The following KANTR variants were observed in gnomAD, a reference collection of about 807,000 sequenced individuals.
The protein encoded by KANTR is KDM5C adjacent transcript.
chrX:53,120,992 T>C (rs926309512), intron 2 of KANTR, among the ~76,000 whole-genome samples: 5 of 105,839 alleles, frequency 4.7e-5, no homozygotes, highest in Non-Finnish European at 9.7e-5. Context: ...AAGGTGTTGT[T>C]TTTTTTTGTT....
chrX:53,116,317 C>A (rs1556814552), intron 2 of KANTR, among the ~76,000 whole-genome samples: 2 of 112,153 alleles, frequency 1.8e-5, no homozygotes, highest in African/African-American at 6.5e-5. Context: ...TATGAGACAG[C>A]CTTTGCTTTC....
At chrX:53,133,364 C>CA (rs5902512) in intron 2 of KANTR, among the ~76,000 whole-genome samples, 76 of 90,187 alleles carry the variant, frequency 8.4e-4, no homozygotes, top group African/African-American at 2.5e-3. Flanking sequence ...GAGACCTTGT[C>CA]AAAAAAAAAA....
intron 2 of KANTR, among the ~76,000 whole-genome samples, chrX:53,105,174 G>C (rs1162309442): frequency 1.8e-5 from 2 of 111,711 alleles, no homozygotes; most frequent in African/African-American, 3.3e-5. Flanking sequence ...ATGAGCCATG[G>C]TGCCCCGCCT....
chrX:53,143,637 G>C (rs147880189), downstream of KANTR: 2,554 of 736,319 alleles, frequency 3.5e-3, 3 homozygotes, highest in Non-Finnish European at 4.6e-3. Context: ...TGCACAGCTC[G>C]TTGTAGAAGG....
intron 2 of KANTR, among the ~76,000 whole-genome samples, chrX:53,117,028 T>A (rs781870873): frequency 8.9e-6 from 1 of 111,769 alleles, no homozygotes; most frequent in East Asian, 2.8e-4. Flanking sequence ...ACACCTGTAA[T>A]CCCAGCACTT....
downstream of KANTR, among the ~76,000 whole-genome samples, chrX:53,129,129 G>A (rs936807760): frequency 8.6e-5 from 8 of 92,842 alleles, no homozygotes; most frequent in African/African-American, 2.9e-4. Flanking sequence ...GTGCAGTGGC[G>A]CTATCTGGGC....
downstream of KANTR, among the ~76,000 whole-genome samples, chrX:53,130,201 G>A (rs1455130065): frequency 8.9e-6 from 1 of 112,157 alleles, no homozygotes; most frequent in Non-Finnish European, 1.9e-5. Flanking sequence ...TATATATTTC[G>A]TTGTCAGCAG....
downstream of KANTR, among the ~76,000 whole-genome samples, chrX:53,128,730 T>C (rs2146749877): frequency 9.0e-6 from 1 of 111,495 alleles, no homozygotes; most frequent in Non-Finnish European, 1.9e-5. Context: ...TCTTTTATGT[T>C]GTTCATATTA....
chrX:53,127,414 A>G (rs1373710975), exon 3 of KANTR: 1 of 112,379 alleles, frequency 8.9e-6, no homozygotes, highest in Non-Finnish European at 1.9e-5. Flanking sequence ...TAGATACTCA[A>G]TAAATATTTG....
At chrX:53,140,500 CAAAAAAAA>C (rs782805364) in intron 2 of KANTR, among the ~76,000 whole-genome samples, 1 of 42,477 alleles carries the variant, frequency 2.4e-5, no homozygotes, top group African/African-American at 7.4e-5. Flanking sequence ...GACTCTGTCT[CAAAAAAAA>C]AAAAAAAAAA....
chrX:53,106,722 G>A (rs1293846557), intron 2 of KANTR, among the ~76,000 whole-genome samples: 1 of 110,512 alleles, frequency 9.0e-6, no homozygotes, highest in Non-Finnish European at 1.9e-5. Flanking sequence ...TTTGTGTATA[G>A]CGTGAGAGTA....
intron 1 of KANTR, among the ~76,000 whole-genome samples, chrX:53,097,349 A>ATTTTTTT (rs1569232446): frequency 2.3e-5 from 1 of 42,554 alleles, no homozygotes; most frequent in African/African-American, 5.6e-5. Flanking sequence ...ATTTGTTTTA[A>ATTTTTTT]GTTTTTTTTT....
At chrX:53,102,772 A>G (rs1246625366) in intron 2 of KANTR, among the ~76,000 whole-genome samples, 8 of 111,339 alleles carry the variant, frequency 7.2e-5, no homozygotes, top group South Asian at 7.6e-4. Flanking sequence ...ATATCTGCCC[A>G]TCATTACCAT....
At chrX:53,143,255 G>A (rs191907043), downstream of KANTR, 55 of 610,201 alleles carry the variant, frequency 9.0e-5, no homozygotes, top group South Asian at 1.9e-4. Flanking sequence ...TCTCCTGCTC[G>A]AAGTCCAGGG....
chrX:53,117,301 C>T (rs1264866265), intron 2 of KANTR, among the ~76,000 whole-genome samples: 3 of 110,788 alleles, frequency 2.7e-5, no homozygotes, highest in Non-Finnish European at 3.8e-5. Flanking sequence ...AACAAAAAAA[C>T]AATATATACA....
At position 53,137,549 on chromosome X, in the gene KANTR, G is replaced by A. The variant is rs781942909; in HGVS notation, n.204-4299G>A. 4.0e-3 allele frequency among the ~76,000 whole-genome samples: 447 copies of A among 111,143 alleles called. 2 individuals carry two copies. Among genetic ancestry groups the A allele is most frequent in the African/African-American group, 0.014 (428 of 30,642 alleles). On this transcript the variant is annotated intron_variant and non_coding_transcript_variant, in intron 2 of 2. Coordinates refer to the KANTR transcript ENST00000366185. ...GGAGGCTGAGGCGAGCAGATCACCC[G>A]AGGCTGGGAGTTCGAGACCAGCCTA... is the stretch of plus-strand genomic sequence containing the variant.
chrX:53,109,865 T>C (rs1031948288), intron 2 of KANTR, among the ~76,000 whole-genome samples: 1 of 109,523 alleles, frequency 9.1e-6, no homozygotes, highest in Non-Finnish European at 1.9e-5. Flanking sequence ...GCAATTCTCA[T>C]GCCTCAGCCT....
intron 2 of KANTR, among the ~76,000 whole-genome samples, chrX:53,115,713 A>G (rs781969808): frequency 8.9e-6 from 1 of 112,742 alleles, no homozygotes; most frequent in South Asian, 3.6e-4. Context: ...TCCCTGAAAA[A>G]AGTATCTCTT....
At chrX:53,110,996 T>C (rs1933031179) in intron 2 of KANTR, among the ~76,000 whole-genome samples, 1 of 109,533 alleles carries the variant, frequency 9.1e-6, no homozygotes, top group African/African-American at 3.3e-5. Flanking sequence ...CTGATATTAC[T>C]TCTTTATTTT....
Sources: allele counts gnomAD v4.1 joint callset (sites outside exome capture counted in the v4.1 genomes callset), GRCh38; gene constraint gnomAD v4.1.1; transcripts MANE v1.5; gene names NCBI Gene and HGNC (gene_info 2026-07-23, HGNC 2026-07-21).